The following AKR1B15 variants were observed in gnomAD, a reference collection of about 807,000 sequenced individuals.
The protein encoded by AKR1B15 is estradiol 17-beta-dehydrogenase AKR1B15.
Under a neutral mutation model 38.5 loss-of-function variants are expected in AKR1B15, and 49 were observed. The observed-to-expected ratio is 1.27, with a 90% CI of 1.01 to 1.62. AKR1B15 has a LOEUF of 1.62. Among genes scored for constraint, AKR1B15 ranks in the 40% most tolerant of loss-of-function variants. The probability of loss-of-function intolerance (pLI) is 0.00; values close to 1 mark genes in which losing one functional copy is unlikely to be tolerated. For missense variants in AKR1B15, 411 were observed against 381.6 expected (o/e 1.08, Z -0.64); for synonymous variants, 137 against 135.5 (o/e 1.01, Z -0.08).
At chr7:134,566,943 C>A (rs993778058) in intron 3 of AKR1B15, among the ~76,000 whole-genome samples, 3 of 152,222 alleles carry the variant, frequency 2.0e-5, no homozygotes, top group African/African-American at 7.2e-5. Context: ...GGAATCTGCT[C>A]ACCCTTCATA....
At chr7:134,558,821 G>A (rs1311058803) in intron 2 of AKR1B15, among the ~76,000 whole-genome samples, 2 of 152,202 alleles carry the variant, frequency 1.3e-5, no homozygotes, top group South Asian at 2.1e-4. Flanking sequence ...TTTCCCTTGG[G>A]ACTAAAGGTC....
chr7:134,554,054 T>G (rs1794098108), intron 1 of AKR1B15, among the ~76,000 whole-genome samples: 1 of 152,194 alleles, frequency 6.6e-6, no homozygotes, highest in South Asian at 2.1e-4. Context: ...CTACTGTACA[T>G]GTACACAGAG....
chr7:134,567,351 G>T (rs144650733), intron 3 of AKR1B15, among the ~76,000 whole-genome samples: 6 of 149,420 alleles, frequency 4.0e-5, no homozygotes, highest in African/African-American at 1.5e-4. Context: ...CCTCTCTCTC[G>T]TTCTCCCTAC....
At chr7:134,572,295 T>C (rs776513183) in intron 6 of AKR1B15, among the ~76,000 whole-genome samples, 5 of 152,252 alleles carry the variant, frequency 3.3e-5, no homozygotes, top group Non-Finnish European at 7.4e-5. Flanking sequence ...TCATCTGAAT[T>C]GCAAGTCCAA....
Position 134,579,541 on chromosome 7 carries a change from G to C in AKR1B15, c.1027G>C (p.Glu343Gln), listed in dbSNP as rs760213291. Reference sequence around the variant, plus strand: ...TTTGGAGGACTTTCCCTTCGATGCAGAATATTGAGGTTGAATCTCCTGGTG... The same window carrying C: ...TTTGGAGGACTTTCCCTTCGATGCACAATATTGAGGTTGAATCTCCTGGTG... Reference protein sequence around the residue: ...SHLEDFPFDAEY With the variant: ...SHLEDFPFDAQY The change falls in exon 12 of 12, where the codon GAA becomes CAA. Residue 343 changes from glutamate (E) to glutamine (Q), a missense_variant. Around this residue, in one of 3 missense-constraint regions of AKR1B15, gnomAD observed 133 missense variants for 120.3 expected, o/e 1.11. Coordinates refer to ENST00000457545, the MANE Select transcript of AKR1B15 (RefSeq NM_001080538.3). 6.3e-7 allele frequency: 1 copy of C among 1,599,452 alleles called. No individual in the cohort carries two copies. Among genetic ancestry groups the C allele is most frequent in the Non-Finnish European group, 8.5e-7 (1 of 1,172,386 alleles).
At chr7:134,567,028 A>G (rs1433660323) in intron 3 of AKR1B15, among the ~76,000 whole-genome samples, 1 of 152,190 alleles carries the variant, frequency 6.6e-6, no homozygotes, top group Non-Finnish European at 1.5e-5. Flanking sequence ...ACACGTGGGG[A>G]TGATAGATTA....
chr7:134,553,699 C>G (rs764055426), intron 1 of AKR1B15, among the ~76,000 whole-genome samples: 49 of 152,238 alleles, frequency 3.2e-4, no homozygotes, highest in Admixed American at 2.6e-3. Context: ...TTCTCTCCCA[C>G]AAGGTGTTTA....
chr7:134,562,308 T>G (rs1441434829), intron 2 of AKR1B15, among the ~76,000 whole-genome samples: 2 of 152,226 alleles, frequency 1.3e-5, no homozygotes, highest in Non-Finnish European at 2.9e-5. Flanking sequence ...CCACATCCTG[T>G]AAGGGTACCT....
chr7:134,573,441 C>A (rs1794704742), intron 6 of AKR1B15: 1 of 985,182 alleles, frequency 1.0e-6, no homozygotes, highest in Middle Eastern at 5.2e-4. Context: ...TCTTAATGAA[C>A]ATGAGGATGA....
Position 134,568,452 on chromosome 7 carries a change from A to T in AKR1B15, c.318+127A>T. On this transcript the variant is annotated intron_variant, in intron 4 of 11. Coordinates refer to ENST00000457545, the MANE Select transcript of AKR1B15 (RefSeq NM_001080538.3). ...CCGTTTTCATCTCTGCCTTGATAACATCCGTGGATACAATACTATCCATAC... is the reference window on the plus strand; with the variant it reads ...CCGTTTTCATCTCTGCCTTGATAACTTCCGTGGATACAATACTATCCATAC... 4.4e-6 allele frequency: 6 copies of T among 1,362,754 alleles called. No individual in the cohort carries two copies. The South Asian group carries it at 6.9e-5, about 16-fold the overall frequency. 84.4% of individuals were successfully genotyped at this position (1,362,754 alleles called of 1,614,324 possible). A position where few individuals can be genotyped will look rare whatever the true frequency, so the allele number is the denominator to read the frequency against.
At chr7:134,564,063 C>T (rs1039906664) in intron 2 of AKR1B15, among the ~76,000 whole-genome samples, 7 of 152,160 alleles carry the variant, frequency 4.6e-5, no homozygotes, top group African/African-American at 7.2e-5. Context: ...AACATTGCCC[C>T]AGGAAATCAG....
intron 3 of AKR1B15, among the ~76,000 whole-genome samples, chr7:134,566,703 T>G (rs142323956): frequency 5.3e-5 from 8 of 152,254 alleles, no homozygotes; most frequent in African/African-American, 1.9e-4. Flanking sequence ...CTGGCTCTCT[T>G]TCCTTCTGTG....
At chr7:134,570,819 C>T (rs1794652653) in intron 5 of AKR1B15, among the ~76,000 whole-genome samples, 2 of 152,254 alleles carry the variant, frequency 1.3e-5, no homozygotes, top group East Asian at 3.9e-4. Context: ...TGCTGAGGTG[C>T]TCACATGCCT....
At position 134,562,074 on chromosome 7, in the gene AKR1B15, C is replaced by T. The variant is rs186852886; in HGVS notation, c.-22-2524C>T. Among the ~76,000 whole-genome samples the T allele has an allele frequency of 4.2e-3, 633 of 152,264 alleles. 2 individuals carry two copies. Among genetic ancestry groups the T allele is most frequent in the Non-Finnish European group, 5.9e-3 (404 of 68,036 alleles). On this transcript the variant is annotated intron_variant, in intron 2 of 11. Coordinates refer to ENST00000457545, the MANE Select transcript of AKR1B15 (RefSeq NM_001080538.3). Reference sequence around the variant, plus strand: ...TCTCGGCTCACTGCAACTTCCACCTCCTAGGTTCAAGCAATTCTCCTGTCT... The same window carrying T: ...TCTCGGCTCACTGCAACTTCCACCTTCTAGGTTCAAGCAATTCTCCTGTCT...
intron 1 of AKR1B15, among the ~76,000 whole-genome samples, chr7:134,555,685 G>A (rs1447461575): frequency 1.3e-5 from 2 of 152,030 alleles, no homozygotes; most frequent in African/African-American, 4.8e-5. Flanking sequence ...CCCCGACCCT[G>A]CCCATACCCT....
intron 4 of AKR1B15, among the ~76,000 whole-genome samples, chr7:134,568,558 C>A (rs935470221): frequency 6.6e-6 from 1 of 152,184 alleles, no homozygotes; most frequent in African/African-American, 2.4e-5. Flanking sequence ...GGGCTTGGCT[C>A]CCTCTGGGCC....
chr7:134,569,518 C>G lies in AKR1B15; in HGVS notation c.424C>G (p.Gln142Glu). The change falls in exon 5 of 12, where the codon CAG becomes GAG. Residue 142 changes from glutamine to glutamate, a missense_variant. Coordinates refer to ENST00000457545, the MANE Select transcript of AKR1B15 (RefSeq NM_001080538.3). The stretch of plus-strand genomic sequence containing the variant: ...GGACGTCTATCTTATTCACTGGCCA[C>G]AGGGATTCAAGGTTTGAGTGACTCC... ...YLDVYLIHWP[Q>E]GFKTGDDFFP... 1 of 1,614,016 alleles carries G rather than the reference C, an allele frequency of 6.2e-7. No homozygotes were observed. Among genetic ancestry groups the G allele is most frequent in the Non-Finnish European group, 8.5e-7 (1 of 1,179,932 alleles).
At chr7:134,556,579 ATACCTGGTTGGC>A (rs1159213284) in intron 1 of AKR1B15, among the ~76,000 whole-genome samples, 145 bp from the exon 2 acceptor site, 1 of 152,016 alleles carries the variant, frequency 6.6e-6, no homozygotes, top group Non-Finnish European at 1.5e-5. Flanking sequence ...GCACCCAAAA[ATACCTGGTTGGC>A]CTGCATTTCA....
intron 6 of AKR1B15, among the ~76,000 whole-genome samples, chr7:134,572,959 C>T (rs1183008472): frequency 6.6e-6 from 1 of 152,150 alleles, no homozygotes; most frequent in Non-Finnish European, 1.5e-5. Flanking sequence ...TTCTGAAATG[C>T]TTAGAATTGA....
Sources: gnomAD v4.1 joint callset for allele counts (sites outside exome capture counted in the v4.1 genomes callset) on GRCh38, gnomAD v4.1.1 for gene constraint, gnomAD v4.1.1 regional missense constraint, MANE v1.5 for transcripts, NCBI Gene and HGNC (gene_info 2026-07-23, HGNC 2026-07-21) for gene names.